The following CDC23 variants were observed in gnomAD, a reference collection of about 807,000 sequenced individuals.
The protein encoded by CDC23 is cell division cycle protein 23 homolog.
Under a neutral mutation model 81.7 loss-of-function variants are expected in CDC23, and 26 were observed. The observed-to-expected ratio is 0.32, with a 90% CI of 0.23 to 0.44. The LOEUF (loss-of-function observed/expected upper bound fraction) is 0.44. Among genes scored for constraint, CDC23 ranks in the 20% least tolerant of loss-of-function variants. The pLI is 1.00. For missense variants in CDC23, 519 were observed against 728.0 expected (o/e 0.71, Z 3.30); for synonymous variants, 267 against 270.8 (o/e 0.99, Z 0.14).
chr5:138,197,589 C>T (rs1233962639), intron 9 of CDC23, among the ~76,000 whole-genome samples: 3 of 150,658 alleles, frequency 2.0e-5, no homozygotes, highest in South Asian at 2.1e-4. Context: ...CTCCACCTCC[C>T]GGGTTCATGT....
Position 138,192,600 on chromosome 5 carries a change from G to C in CDC23, c.1070C>G (p.Ala357Gly). ...AAGATACCGAGGATTTAATTTCAGG[G>C]CTCTCTGGAAATATAAGGCTGCTTT... is the stretch of plus-strand genomic sequence containing the variant. ...HEKAALYFQR[A>G]LKLNPRYLGA... Residue 357 changes from alanine to glycine, a missense_variant, in exon 10 of 16, where the codon GCC (alanine) becomes GGC (glycine). Transcript: ENST00000394886. The C allele has an allele frequency of 1.9e-6, 3 of 1,614,000 alleles. No homozygotes were observed. The highest frequency in any genetic ancestry group is 2.5e-6 in the Non-Finnish European group (3 of 1,179,902).
intron 9 of CDC23, among the ~76,000 whole-genome samples, chr5:138,195,613 T>G (rs1450568191): frequency 8.8e-6 from 1 of 113,654 alleles, no homozygotes; most frequent in Admixed American, 1.3e-4. Flanking sequence ...TATGATATAT[T>G]TATATATAAA....
At chr5:138,201,502 C>A (rs1754989327) in intron 4 of CDC23, 54 bp from the exon 5 acceptor site, 1 of 1,213,488 alleles carries the variant, frequency 8.2e-7, no homozygotes, top group Non-Finnish European at 1.2e-6. Context: ...TTTTCATTTT[C>A]TTATTTTATT....
chr5:138,206,182 T>C (rs1002910639), intron 3 of CDC23: 7 of 318,244 alleles, frequency 2.2e-5, no homozygotes, highest in Non-Finnish European at 3.4e-5. Flanking sequence ...TTAATAGCCA[T>C]GAAAGAAAAA....
chr5:138,211,259 A>T (rs1755109814), intron 2 of CDC23, among the ~76,000 whole-genome samples: 1 of 152,250 alleles, frequency 6.6e-6, no homozygotes, highest in Non-Finnish European at 1.5e-5. Flanking sequence ...GAATTAACAC[A>T]GAAATAGAAA....
chr5:138,203,953 A>C (rs1302539453), intron 3 of CDC23, among the ~76,000 whole-genome samples: 1 of 152,094 alleles, frequency 6.6e-6, no homozygotes, highest in Non-Finnish European at 1.5e-5. Context: ...GATTGAATAT[A>C]GTATCAAATG....
At chr5:138,195,090 G>A (rs559790091) in intron 9 of CDC23, among the ~76,000 whole-genome samples, 1 of 151,894 alleles carries the variant, frequency 6.6e-6, no homozygotes, top group Non-Finnish European at 1.5e-5. Flanking sequence ...GCTACACCAA[G>A]ACTAAGAAGG....
chr5:138,199,307 T>C (rs1335739017), intron 6 of CDC23, among the ~76,000 whole-genome samples: 2 of 151,966 alleles, frequency 1.3e-5, no homozygotes, highest in Non-Finnish European at 2.9e-5. Context: ...AAGAATAAGT[T>C]TGGAAACAGG....
intron 2 of CDC23, among the ~76,000 whole-genome samples, chr5:138,211,328 T>G (rs1467829110): frequency 6.6e-6 from 1 of 152,126 alleles, no homozygotes; most frequent in East Asian, 1.9e-4. Flanking sequence ...ACACACGGAC[T>G]TAAAGATGGG....
chr5:138,195,591 ATATATAT>A (rs1167468422), intron 9 of CDC23, among the ~76,000 whole-genome samples: 1 of 57,806 alleles, frequency 1.7e-5, no homozygotes, highest in Non-Finnish European at 4.0e-5. Context: ...ATTATATATA[ATATATAT>A]TATATATGAT....
At position 138,202,137 on chromosome 5, in the gene CDC23, CCTT is replaced by C. The variant is rs746562443; in HGVS notation, c.388_390del (p.Lys130del). 1.9e-6 allele frequency: 3 copies of C among 1,611,570 alleles called. No homozygotes were observed. The highest frequency in any genetic ancestry group is 1.7e-5 in the Admixed American group (1 of 59,636). ...CCTAAGCTATCAACTGTTTCATCGT[CCTT>C]CTTTTTTTCTCCAGACTGTAAGAGA... On this transcript the variant is annotated inframe_deletion, in exon 4 of 16. Transcript: ENST00000394886.
chr5:138,211,660 C>CA (rs1316881432), intron 2 of CDC23, among the ~76,000 whole-genome samples: 3,337 of 114,652 alleles, frequency 0.029, 63 homozygotes, highest in Non-Finnish European at 0.04. Context: ...GACTCCGTCT[C>CA]AAAAAAAAAA....
At chr5:138,212,942 G>C in intron 2 of CDC23, 49 bp downstream of exon 2, 2 of 1,525,850 alleles carry the variant, frequency 1.3e-6, no homozygotes, top group Non-Finnish European at 1.8e-6. Flanking sequence ...TGGCTCTTGA[G>C]GCACACCCCT....
At chr5:138,198,108 C>T in intron 9 of CDC23, 91 bp downstream of exon 9, 4 of 972,340 alleles carry the variant, frequency 4.1e-6, no homozygotes, top group Non-Finnish European at 6.3e-6. Flanking sequence ...TAAAGGCACG[C>T]ACCACCATCC....
Position 138,189,035 on chromosome 5 carries a change from A to G in CDC23, c.1737T>C (p.Ala579=), listed in dbSNP as rs772790534. Reference sequence around the variant, plus strand: ...AAACTCTGCGTGTGGGGGTATTGTTAGCAGAGAGTGAAGCAGGTAGGAAAA... The same window carrying G: ...AAACTCTGCGTGTGGGGGTATTGTTGGCAGAGAGTGAAGCAGGTAGGAAAA... ...APFFLPASLS[A]NNTPTRRVSP... Residue 579 remains alanine (A), a synonymous_variant, in exon 16 of 16, where the codon GCT becomes GCC. Transcript: ENST00000394886. 1 of 1,614,132 alleles carries G rather than the reference A, an allele frequency of 6.2e-7. No individual in the cohort carries two copies. The highest frequency in any genetic ancestry group is 2.2e-5 in the East Asian group (1 of 44,874).
intron 3 of CDC23, 33 bp downstream of exon 3, chr5:138,206,514 A>T (rs551340826): frequency 6.2e-7 from 1 of 1,612,842 alleles, no homozygotes; most frequent in African/African-American, 1.3e-5. Flanking sequence ...ATGTTTCACT[A>T]AAGGCAGAAT....
chr5:138,195,039 T>C (rs1362532282), intron 9 of CDC23, among the ~76,000 whole-genome samples: 4 of 151,954 alleles, frequency 2.6e-5, no homozygotes, highest in African/African-American at 9.7e-5. Flanking sequence ...GCTGAGCCCC[T>C]GCACTGGCCT....
Position 138,189,021 on chromosome 5 carries a change from G to T in CDC23, c.1751C>A (p.Thr584Lys). ...PASLSANNTP[T>K]RRVSPLNLSS... Reference sequence around the variant, plus strand: ...CAAGTTGAGTGGAGAAACTCTGCGTGTGGGGGTATTGTTAGCAGAGAGTGA... The same window carrying T: ...CAAGTTGAGTGGAGAAACTCTGCGTTTGGGGGTATTGTTAGCAGAGAGTGA... Residue 584 changes from threonine (T) to lysine (K), a missense_variant, in exon 16 of 16, where the codon ACA becomes AAA. Physicochemically the swap from Thr to Lys is moderately conservative, Grantham distance 78 (BLOSUM62 -1). Around this residue, in one of 4 missense-constraint regions of CDC23, gnomAD observed 38 missense variants for 34.7 expected, o/e 1.10. Coordinates refer to ENST00000394886, the MANE Select transcript of CDC23 (RefSeq NM_004661.4). The T allele has an allele frequency of 1.2e-6, 2 of 1,614,148 alleles. No homozygotes were observed. The highest frequency in any genetic ancestry group is 1.3e-5 in the African/African-American group (1 of 75,050).
chr5:138,209,171 A>C (rs1310233031), intron 2 of CDC23, among the ~76,000 whole-genome samples: 1 of 151,924 alleles, frequency 6.6e-6, no homozygotes, highest in Non-Finnish European at 1.5e-5. Flanking sequence ...TCATGCCTGT[A>C]ATCCCAGCAC....
Sources: allele counts gnomAD v4.1 joint callset (sites outside exome capture counted in the v4.1 genomes callset), GRCh38; gene constraint gnomAD v4.1.1; regional missense constraint gnomAD v4.1.1; transcripts MANE v1.5; gene names NCBI Gene and HGNC (gene_info 2026-07-23, HGNC 2026-07-21).